PMS1: variants seen among roughly 807,000 people sequenced by gnomAD.
PMS1 encodes PMS1 protein homolog 1.
Under a neutral mutation model 93.1 loss-of-function variants are expected in PMS1, and 79 were observed. The observed-to-expected ratio is 0.85, with a 90% CI of 0.71 to 1.02. The LOEUF is 1.02. Ranked by LOEUF, PMS1 falls within the 50% of genes least tolerant of loss-of-function variation. The pLI, the probability that PMS1 is intolerant of heterozygous loss-of-function variation, is 0.00. For synonymous variants in PMS1, 335 were observed against 363.4 expected, an observed-to-expected ratio of 0.92 and a Z score of 0.89; for missense variants, 1,064 against 1,085.3, an observed-to-expected ratio of 0.98 and a Z score of 0.28.
At chr2:189,846,173 A>T (rs2054236384) in intron 6 of PMS1, among the ~76,000 whole-genome samples, 1 of 152,028 alleles carries the variant, frequency 6.6e-6, no homozygotes, top group Non-Finnish European at 1.5e-5. Context: ...CAGAAGCTCA[A>T]GACCAGCCTG....
intron 11 of PMS1, among the ~76,000 whole-genome samples, 165 bp from the exon 12 acceptor site, chr2:189,873,331 C>T (rs1321287973): frequency 6.6e-6 from 1 of 152,178 alleles, no homozygotes; most frequent in Non-Finnish European, 1.5e-5. Flanking sequence ...ATGTGAGACC[C>T]TATGGGAAAT....
intron 10 of PMS1, 47 bp downstream of exon 10, chr2:189,864,275 A>C (rs761434444): frequency 1.6e-6 from 2 of 1,228,972 alleles, no homozygotes; most frequent in East Asian, 4.7e-5. Flanking sequence ...TTATTATAAT[A>C]GTTCATACTA....
chr2:189,877,342 A>C lies in PMS1; in HGVS notation c.2705A>C (p.Tyr902Ser). 6.2e-7 allele frequency: 1 copy of C among 1,613,244 alleles called. No individual in the cohort carries two copies. Residue 902 changes from tyrosine to serine, a missense_variant, in exon 13 of 13, where the codon TAC (tyrosine) becomes TCC (serine). Coordinates refer to ENST00000441310, the MANE Select transcript of PMS1 (RefSeq NM_000534.5). ...LSKEDIQDIIYRMKHQFGNEI... is the reference protein window; with the variant it reads ...LSKEDIQDIISRMKHQFGNEI... Reference sequence around the variant, plus strand: ...AAAGAGGACATCCAAGACATTATCTACAGAATGAAGCACCAGTTTGGAAAT... The same window carrying C: ...AAAGAGGACATCCAAGACATTATCTCCAGAATGAAGCACCAGTTTGGAAAT...
chr2:189,824,557 C>T (rs1282279960), intron 5 of PMS1, among the ~76,000 whole-genome samples: 3 of 151,922 alleles, frequency 2.0e-5, no homozygotes, highest in Non-Finnish European at 4.4e-5. Context: ...TTATTATTTT[C>T]GGAGGACACT....
rs55680602 is a variant in PMS1, at chr2:189,867,807, A to G, written c.2351A>G (p.Asn784Ser). Residue 784 changes from asparagine (N) to serine (S), a missense_variant, in exon 11 of 13, where the codon AAT becomes AGT. Asn to Ser is a conservative substitution (Grantham distance 46). Coordinates refer to ENST00000441310, the MANE Select transcript of PMS1 (RefSeq NM_000534.5). ...KPIMLTESLF[N>S]GSHYLDVLYK... Reference sequence around the variant, plus strand: ...CATAATTTCTTTTTCAGTCTTTTTAATGGATCTCATTATTTAGACGTTTTA... The same window carrying G: ...CATAATTTCTTTTTCAGTCTTTTTAGTGGATCTCATTATTTAGACGTTTTA... The G allele has an allele frequency of 4.5e-5, 70 of 1,572,654 alleles. No individual in the cohort carries two copies. The African/African-American group carries it at 7.3e-4, about 16-fold the overall frequency.
chr2:189,789,516 A>G (rs2048655265), intron 1 of PMS1, among the ~76,000 whole-genome samples: 1 of 152,224 alleles, frequency 6.6e-6, no homozygotes, highest in Non-Finnish European at 1.5e-5. Context: ...AACTGTGATC[A>G]GTTAACACTC....
chr2:189,852,695 A>ACT lies in PMS1; in HGVS notation c.743_744dup (p.Phe249LeufsTer15), dbSNP rs2054871513. On this transcript the variant is annotated frameshift_variant, in exon 7 of 13. Coordinates refer to ENST00000441310, the MANE Select transcript of PMS1 (RefSeq NM_000534.5). LOFTEE classifies it high-confidence loss of function. ...TTTCTTCCAAAGTGTGATGCAGACC[A>ACT]CTCTTTCACTAGTCTTTCAACACCA... is the stretch of plus-strand genomic sequence containing the variant. 2 of 1,593,168 alleles carry ACT rather than the reference A, an allele frequency of 1.3e-6. No individual in the cohort carries two copies.
At chr2:189,796,066 T>C in intron 3 of PMS1, 115 bp downstream of exon 3, 1 of 859,078 alleles carries the variant, frequency 1.2e-6, no homozygotes, top group Non-Finnish European at 1.9e-6. Context: ...TGGTAAAATA[T>C]ACATAACATA....
intron 5 of PMS1, among the ~76,000 whole-genome samples, chr2:189,818,692 C>T (rs1258895030): frequency 6.6e-6 from 1 of 152,110 alleles, no homozygotes; most frequent in Non-Finnish European, 1.5e-5. Context: ...TGCCTAATAT[C>T]TATATGATCT....
intron 4 of PMS1, 150 bp downstream of exon 4, chr2:189,805,904 T>C: frequency 6.5e-6 from 10 of 1,529,998 alleles, no homozygotes; most frequent in Non-Finnish European, 8.8e-6. Flanking sequence ...ACATTCAGCC[T>C]TTATTCTAGC....
rs2051417337 is a variant in PMS1, at chr2:189,817,427, AGTG to A, written c.419-586_419-584del. 2.0e-5 allele frequency among the ~76,000 whole-genome samples: 3 copies of A among 152,270 alleles called. No individual in the cohort carries two copies. In the South Asian group the frequency reaches 6.2e-4, roughly 32 times the overall value. On this transcript the variant is annotated intron_variant, in intron 4 of 12. Transcript: ENST00000441310. Reference sequence around the variant, plus strand: ...ACATTCAGTCCTAATTTTATGTGGTAGTGGTGTTTTTTTGAGTAAAAGCTAGTG... The same window carrying A: ...ACATTCAGTCCTAATTTTATGTGGTAGTGTTTTTTTGAGTAAAAGCTAGTG...
intron 4 of PMS1, among the ~76,000 whole-genome samples, chr2:189,808,949 T>C (rs1349311274): frequency 6.6e-6 from 1 of 152,222 alleles, no homozygotes; most frequent in Non-Finnish European, 1.5e-5. Context: ...GTATTAAGCT[T>C]TCCAAATTGA....
At chr2:189,859,463 G>A (rs2055716387) in intron 9 of PMS1, among the ~76,000 whole-genome samples, 1 of 152,084 alleles carries the variant, frequency 6.6e-6, no homozygotes, top group African/African-American at 2.4e-5. Flanking sequence ...CCAATTCTGG[G>A]TATGTACTGG....
intron 3 of PMS1, among the ~76,000 whole-genome samples, chr2:189,801,639 C>G (rs76174067): frequency 6.6e-6 from 1 of 151,932 alleles, no homozygotes; most frequent in African/African-American, 2.4e-5. Context: ...TCTTAAAGAA[C>G]AAATTCTGAA....
At chr2:189,799,976 C>T (rs530778103) in intron 3 of PMS1, among the ~76,000 whole-genome samples, 5 of 152,324 alleles carry the variant, frequency 3.3e-5, no homozygotes, top group African/African-American at 1.2e-4. Flanking sequence ...TGTAGGTCTT[C>T]TGTGCTTCAG....
At chr2:189,874,643 T>A (rs1442812815) in intron 12 of PMS1, among the ~76,000 whole-genome samples, 1 of 152,220 alleles carries the variant, frequency 6.6e-6, no homozygotes, top group Non-Finnish European at 1.5e-5. Context: ...CATTTTTGTT[T>A]ACAGTTGGTA....
intron 5 of PMS1, among the ~76,000 whole-genome samples, chr2:189,833,020 A>G (rs1482718212): frequency 1.3e-5 from 2 of 152,228 alleles, no homozygotes; most frequent in African/African-American, 2.4e-5. Context: ...TGAAAACAGA[A>G]TGTTACACAT....
intron 5 of PMS1, among the ~76,000 whole-genome samples, chr2:189,820,494 G>A (rs1391104769): frequency 6.6e-6 from 1 of 151,746 alleles, no homozygotes; most frequent in Non-Finnish European, 1.5e-5. Flanking sequence ...GGATATGGGG[G>A]GTCTCCCTAT....
rs1175385759 is a variant in PMS1, at chr2:189,858,193, G to GT, written c.1856+3072dup. ...TTCTGGAGTTTGTTTGTTGTTTTTT[G>GT]TTTTTTTCCTTCCTCGCCTTTCTTC... On this transcript the variant is annotated intron_variant, in intron 9 of 12. Transcript: ENST00000441310. Among the ~76,000 whole-genome samples the GT allele has an allele frequency of 2.2e-4, 33 of 152,040 alleles. 1 individual carries two copies. The highest frequency in any genetic ancestry group is 6.8e-3 in the Middle Eastern group (2 of 292).
Sources: gnomAD v4.1 joint callset for allele counts (sites outside exome capture counted in the v4.1 genomes callset) on GRCh38, gnomAD v4.1.1 for gene constraint, MANE v1.5 for transcripts, NCBI Gene and HGNC (gene_info 2026-07-23, HGNC 2026-07-21) for gene names.